The following CFAP161 variants were observed in gnomAD, a reference collection of about 807,000 sequenced individuals.
CFAP161 encodes the protein cilia and flagella associated protein 161.
A neutral mutation model predicts 29.0 loss-of-function variants in CFAP161; 25 were observed. That is an observed-to-expected ratio of 0.86 (90% CI 0.63 to 1.20). CFAP161 has a LOEUF of 1.20. Ranked by LOEUF, CFAP161 falls within the 50% of genes most tolerant of loss-of-function variation. CFAP161 has a pLI of 0.00. For missense variants in CFAP161, 367 were observed against 371.9 expected (o/e 0.99, Z 0.11); for synonymous variants, 116 against 137.4 (o/e 0.84, Z 1.09).
chr15:81,107,879 T>C (rs754446505), intron 1 of CFAP161, among the ~76,000 whole-genome samples: 9 of 152,232 alleles, frequency 5.9e-5, no homozygotes, highest in Non-Finnish European at 1.2e-4. Context: ...AGGAAGGCTT[T>C]ATTTTTCAAT....
chr15:81,121,957 A>G (rs1354348693), intron 1 of CFAP161, among the ~76,000 whole-genome samples: 1 of 152,194 alleles, frequency 6.6e-6, no homozygotes, highest in African/African-American at 2.4e-5. Context: ...ATGAGTGAGA[A>G]CATGCAGTAT....
At chr15:81,105,112 T>C (rs182000728) in intron 1 of CFAP161, among the ~76,000 whole-genome samples, 383 of 22,106 alleles carry the variant, frequency 0.017, 11 homozygotes, top group African/African-American at 0.038. Flanking sequence ...CTCCCTTCCT[T>C]TCTCCCCCAT....
At chr15:81,100,691 CCT>C (rs71451564) in intron 1 of CFAP161, among the ~76,000 whole-genome samples, 6 of 118,540 alleles carry the variant, frequency 5.1e-5, no homozygotes, top group Non-Finnish European at 9.9e-5. Flanking sequence ...ATTTCCTTTT[CCT>C]CTCTCTCTCT....
chr15:81,133,176 C>CAT (rs141326043), upstream of CFAP161, among the ~76,000 whole-genome samples: 111 of 60,950 alleles, frequency 1.8e-3, no homozygotes, highest in East Asian at 2.6e-3. Context: ...CCTTCATCAG[C>CAT]ATATATATAT....
At position 81,134,291 on chromosome 15, in the gene CFAP161, G is replaced by A. The variant is rs1195190481; in HGVS notation, c.-39G>A. On this transcript the variant is annotated 5_prime_UTR_variant, in exon 1 of 7. The change creates a new upstream start codon in the 5' untranslated region. Coordinates refer to ENST00000286732, the MANE Select transcript of CFAP161 (RefSeq NM_173528.4). ...TGGCGACGCGCCACGCTAACGCATG[G>A]TGTCGGAGGGAGGCCCACTTGCTGA... 1.8e-5 allele frequency: 28 copies of A among 1,563,492 alleles called. No homozygotes were observed. The highest frequency in any genetic ancestry group is 2.3e-5 in the Non-Finnish European group (26 of 1,153,266).
At chr15:81,124,165 G>C (rs1035437862) in intron 1 of CFAP161, among the ~76,000 whole-genome samples, 9 of 152,122 alleles carry the variant, frequency 5.9e-5, no homozygotes, top group Non-Finnish European at 1.2e-4. Flanking sequence ...TATGATATTG[G>C]CTGTGGGTTT....
At chr15:81,137,971 G>T in intron 3 of CFAP161, 80 bp from the exon 4 acceptor site, 2 of 1,007,460 alleles carry the variant, frequency 2.0e-6, no homozygotes, top group Non-Finnish European at 3.0e-6. Flanking sequence ...AAACAAAATT[G>T]CATGCATAAA....
chr15:81,118,270 A>G (rs543060864), intron 1 of CFAP161: 22 of 519,648 alleles, frequency 4.2e-5, no homozygotes, highest in African/African-American at 4.0e-4. Flanking sequence ...CTCTAAGTTC[A>G]CAAATTCAGC....
rs1406845866 is a variant in CFAP161 at position 81,138,137 on chromosome 15, T to C, written c.477+2T>C. 1 of 1,603,992 alleles carries C rather than the reference T, an allele frequency of 6.2e-7. No homozygotes were observed. Among genetic ancestry groups the C allele is most frequent in the African/African-American group, 1.3e-5 (1 of 74,712 alleles). On this transcript the variant is annotated splice_donor_variant, in intron 4 of 6. Transcript: ENST00000286732. LOFTEE classifies it high-confidence loss of function. The stretch of plus-strand genomic sequence containing the variant: ...ACAGGAGGATTTGACAACAAAATGG[T>C]GAGTTATCACTTTGCATATCTACTT...
intron 1 of CFAP161, among the ~76,000 whole-genome samples, chr15:81,105,118 C>CTCCCTCCCT (rs1255453981): frequency 3.9e-5 from 2 of 50,746 alleles, no homozygotes; most frequent in African/African-American, 1.7e-4. Context: ...TCCTTTCTCC[C>CTCCCTCCCT]CCATACCTTT....
intron 1 of CFAP161, among the ~76,000 whole-genome samples, chr15:81,126,968 T>A (rs1894649085): frequency 6.6e-6 from 1 of 152,188 alleles, no homozygotes; most frequent in African/African-American, 2.4e-5. Context: ...CCATTTTAAC[T>A]CTATATTTGC....
chr15:81,146,606 A>T (rs1238539994), intron 5 of CFAP161, among the ~76,000 whole-genome samples: 1 of 151,724 alleles, frequency 6.6e-6, no homozygotes, highest in African/African-American at 2.4e-5. Context: ...CTGTGTGTGT[A>T]TAAATATATA....
intron 1 of CFAP161, among the ~76,000 whole-genome samples, chr15:81,105,740 A>G (rs1894365210): frequency 2.0e-5 from 3 of 152,238 alleles, no homozygotes; most frequent in Admixed American, 1.3e-4. Context: ...AGGCTGACGC[A>G]GGCAGAAGAT....
At chr15:81,108,012 G>C (rs191568235) in intron 1 of CFAP161, among the ~76,000 whole-genome samples, 1 of 151,558 alleles carries the variant, frequency 6.6e-6, no homozygotes, top group African/African-American at 2.4e-5. Flanking sequence ...TTCCTCGTCT[G>C]TGAAACTGAG....
At chr15:81,100,562 T>G (rs2663924) in intron 1 of CFAP161, among the ~76,000 whole-genome samples, 108,702 of 151,818 alleles carry the variant, frequency 0.72, 39,582 homozygotes, top group Middle Eastern at 0.76. Context: ...TGCCTACAAT[T>G]TTCTACATGC....
chr15:81,146,135 C>T (rs918647320), intron 5 of CFAP161, among the ~76,000 whole-genome samples: 1 of 152,148 alleles, frequency 6.6e-6, no homozygotes, highest in Non-Finnish European at 1.5e-5. Flanking sequence ...CCCTCATGAT[C>T]ACAGAGTAGC....
At chr15:81,138,185 C>A (rs773451942) in intron 4 of CFAP161, 50 bp downstream of exon 4, 2 of 1,428,728 alleles carry the variant, frequency 1.4e-6, no homozygotes, top group Non-Finnish European at 2.0e-6. Context: ...TTCTGTTGCC[C>A]AAAATGGGAT....
intron 4 of CFAP161, 106 bp from the exon 5 acceptor site, chr15:81,143,556 G>T: frequency 7.9e-7 from 1 of 1,269,954 alleles, no homozygotes; most frequent in Non-Finnish European, 1.1e-6. Context: ...CAGAGTTTTT[G>T]AGAACTGCTT....
upstream of CFAP161, among the ~76,000 whole-genome samples, chr15:81,132,686 T>C (rs370745404): frequency 2.0e-5 from 3 of 152,260 alleles, no homozygotes; most frequent in African/African-American, 7.2e-5. Flanking sequence ...ACTTACTGAA[T>C]GACCCAATCA....
Sources: allele counts gnomAD v4.1 joint callset (sites outside exome capture counted in the v4.1 genomes callset), GRCh38; gene constraint gnomAD v4.1.1; transcripts MANE v1.5; gene names NCBI Gene and HGNC (gene_info 2026-07-23, HGNC 2026-07-21).